The following KIR2DL4 variants were observed in gnomAD, a reference collection of about 807,000 sequenced individuals.
KIR2DL4 encodes killer cell immunoglobulin-like receptor 2DL4.
In KIR2DL4, 41 loss-of-function variants were observed where a neutral mutation model predicts 31.0. That is an observed-to-expected ratio of 1.32 (90% CI 1.03 to 1.72). KIR2DL4 has a LOEUF of 1.72. Among genes scored for constraint, KIR2DL4 ranks in the 40% most tolerant of loss-of-function variants. The pLI is 0.00. For missense variants in KIR2DL4, 438 were observed against 353.7 expected (o/e 1.24, Z -1.91); for synonymous variants, 164 against 133.6 (o/e 1.23, Z -1.57).
chr19:54,807,254 CTCTATCCAT>C (rs1202109623), intron 4 of KIR2DL4, among the ~76,000 whole-genome samples: 1 of 150,726 alleles, frequency 6.6e-6, no homozygotes, highest in South Asian at 2.1e-4. Context: ...ACTACTTTCT[CTCTATCCAT>C]TCATCCACTG....
intron 5 of KIR2DL4, among the ~76,000 whole-genome samples, chr19:54,810,725 G>C (rs1318947612): frequency 2.0e-5 from 3 of 151,182 alleles, no homozygotes; most frequent in Admixed American, 1.3e-4. Context: ...AACAAGGAGC[G>C]TGTGTTTGAT....
At chr19:54,803,961 C>T (rs941557102) in intron 2 of KIR2DL4, 35 bp downstream of exon 2, 1 of 1,589,892 alleles carries the variant, frequency 6.3e-7, no homozygotes. Context: ...TTGCCATCTT[C>T]ACCCCAATAC....
chr19:54,810,149 C>T (rs1402983736), intron 5 of KIR2DL4, among the ~76,000 whole-genome samples: 1 of 149,700 alleles, frequency 6.7e-6, no homozygotes, highest in East Asian at 2.0e-4. Context: ...GACAGTGTCT[C>T]CCTCTGTGCC....
At chr19:54,809,517 C>T (rs1171586662) in intron 5 of KIR2DL4, among the ~76,000 whole-genome samples, 2 of 151,100 alleles carry the variant, frequency 1.3e-5, no homozygotes, top group African/African-American at 4.9e-5. Context: ...TGAAATGCAT[C>T]ATCTCACTGG....
Position 54,806,508 on chromosome 19 carries a change from C to T in KIR2DL4, c.655+264C>T, listed in dbSNP as rs112615875. ...AGACCCAGAGGAGGGAGACTGGGCT[C>T]AGTTTGGGGAGATCAGAGGTTCCCT... On this transcript the variant is annotated intron_variant, in intron 4 of 7. Transcript: ENST00000359085. Among the ~76,000 whole-genome samples, 405 of 151,290 alleles carry T rather than the reference C, an allele frequency of 2.7e-3. 18 individuals are homozygous for T. Among genetic ancestry groups the T allele is most frequent in the African/African-American group, 9.1e-3 (375 of 41,004 alleles).
intron 5 of KIR2DL4, among the ~76,000 whole-genome samples, chr19:54,810,125 G>GATT (rs1225401332): frequency 7.0e-6 from 1 of 142,324 alleles, no homozygotes; most frequent in Admixed American, 7.0e-5. Context: ...TTGATTGATT[G>GATT]GTTGTTTTTA....
At chr19:54,809,324 G>A (rs10500318) in intron 5 of KIR2DL4, among the ~76,000 whole-genome samples, 18,101 of 150,318 alleles carry the variant, frequency 0.12, 1,485 homozygotes, top group Non-Finnish European at 0.15. Context: ...AGAGCTTTGC[G>A]GTAAGAGAGA....
intron 4 of KIR2DL4, 150 bp downstream of exon 4, chr19:54,806,394 G>A (rs1023822557): frequency 2.2e-6 from 2 of 922,904 alleles, no homozygotes; most frequent in African/African-American, 1.7e-5. Context: ...ATGGCAGACA[G>A]GGCACCTCCA....
chr19:54,812,594 A>G (rs1310050569), intron 5 of KIR2DL4, among the ~76,000 whole-genome samples: 1 of 150,102 alleles, frequency 6.7e-6, no homozygotes, highest in African/African-American at 2.5e-5. Flanking sequence ...TACTAGAAGC[A>G]GGACACTACC....
intron 2 of KIR2DL4, 95 bp downstream of exon 2, chr19:54,804,021 T>C (rs1254464706): frequency 8.6e-7 from 1 of 1,163,980 alleles, no homozygotes; most frequent in Non-Finnish European, 1.3e-6. Context: ...GGTGGGCTGA[T>C]GGGCTGACCA....
chr19:54,814,230 GCTTAGC>G (rs774417115), exon 8 of KIR2DL4: 14 of 1,168,572 alleles, frequency 1.2e-5, no homozygotes, highest in Middle Eastern at 2.6e-4. Flanking sequence ...ACACTCCTTT[GCTTAGC>G]CCACAATTCT....
At position 54,803,874 on chromosome 19, in the gene KIR2DL4, A is replaced by G. The variant is rs758950743; in HGVS notation, c.41-17A>G. ...TTGCTGCCGAGATGAATAGTTCATC[A>G]TGATCTTTCTTTGCAGGGTTCTTCT... On this transcript the variant is annotated splice_polypyrimidine_tract_variant and intron_variant, in intron 1 of 7. Transcript: ENST00000359085. The G allele has an allele frequency of 1.9e-6, 3 of 1,608,636 alleles. No homozygotes were observed. The highest frequency in any genetic ancestry group is 2.5e-6 in the Non-Finnish European group (3 of 1,177,532).
At chr19:54,803,622 T>C in exon 1 of KIR2DL4, 7 of 1,611,914 alleles carry the variant, frequency 4.3e-6, no homozygotes, top group Non-Finnish European at 5.9e-6. Context: ...TCGAGCCGAG[T>C]CACTGCGTCC....
chr19:54,810,319 G>T (rs1422222807), intron 5 of KIR2DL4, among the ~76,000 whole-genome samples: 1 of 150,646 alleles, frequency 6.6e-6, no homozygotes, highest in Non-Finnish European at 1.5e-5. Context: ...GTACAGACAA[G>T]GTTTTACCAT....
At chr19:54,814,243 T>G (rs1189477198) in exon 8 of KIR2DL4, 4 of 1,068,712 alleles carry the variant, frequency 3.7e-6, no homozygotes, top group Admixed American at 2.4e-5. Context: ...TAGCCCACAA[T>G]TCTCTATTTC....
At chr19:54,812,420 T>C (rs2060916441) in intron 5 of KIR2DL4, among the ~76,000 whole-genome samples, 2 of 151,404 alleles carry the variant, frequency 1.3e-5, no homozygotes, top group East Asian at 3.9e-4. Context: ...TGCATGATGT[T>C]CTCCTCCAGG....
intron 6 of KIR2DL4, 119 bp from the exon 6 acceptor site, chr19:54,813,571 T>A (rs2147987242): frequency 9.9e-7 from 1 of 1,011,868 alleles, no homozygotes; most frequent in Non-Finnish European, 1.5e-6. Context: ...TGAGTCTGGC[T>A]GTTGGCAGCT....
intron 4 of KIR2DL4, among the ~76,000 whole-genome samples, chr19:54,808,018 A>G (rs1436329318): frequency 1.3e-5 from 2 of 151,236 alleles, no homozygotes; most frequent in African/African-American, 4.9e-5. Flanking sequence ...ATGTCTGTTC[A>G]GGTCTTTTAC....
At chr19:54,814,231 C>A in exon 8 of KIR2DL4, 2 of 1,157,008 alleles carry the variant, frequency 1.7e-6, no homozygotes, top group Non-Finnish European at 2.5e-6. Flanking sequence ...CACTCCTTTG[C>A]TTAGCCCACA....
Sources: gnomAD v4.1 joint callset for allele counts (sites outside exome capture counted in the v4.1 genomes callset) on GRCh38, gnomAD v4.1.1 for gene constraint, MANE v1.5 for transcripts, NCBI Gene and HGNC (gene_info 2026-07-23, HGNC 2026-07-21) for gene names.